Variants in TSPAN12 observed in about 807,000 individuals in gnomAD.
The protein encoded by TSPAN12 is tetraspanin-12.
Under a neutral mutation model 39.2 loss-of-function variants are expected in TSPAN12, and 19 were observed. That is an observed-to-expected ratio of 0.49 (90% confidence interval 0.34 to 0.71). The LOEUF is 0.71. Among genes scored for constraint, TSPAN12 ranks in the 30% least tolerant of loss-of-function variants. The pLI is 0.01. For missense variants in TSPAN12, 314 were observed against 359.9 expected, an observed-to-expected ratio of 0.87 and a Z score of 1.03; for synonymous variants, 119 against 124.8, an observed-to-expected ratio of 0.95 and a Z score of 0.31.
intron 7 of TSPAN12, among the ~76,000 whole-genome samples, chr7:120,802,400 T>C (rs915051350): frequency 2.0e-5 from 3 of 152,192 alleles, no homozygotes; most frequent in Admixed American, 6.5e-5. Flanking sequence ...AGAGGGCCTA[T>C]TCCTAACAAT....
intron 6 of TSPAN12, among the ~76,000 whole-genome samples, chr7:120,808,973 TATATATATATATTTA>T (rs1318422059): frequency 6.7e-6 from 1 of 149,832 alleles, no homozygotes; most frequent in Non-Finnish European, 1.5e-5. Flanking sequence ...GGTATTTAAA[TATATATATATATTTA>T]ATATATATAT....
chr7:120,822,166 G>A (rs1433344787), intron 4 of TSPAN12, among the ~76,000 whole-genome samples: 4 of 152,194 alleles, frequency 2.6e-5, no homozygotes, highest in Middle Eastern at 3.4e-3. Context: ...AGCCCTTGGG[G>A]ATGTGTGGGT....
intron 5 of TSPAN12, among the ~76,000 whole-genome samples, chr7:120,812,222 G>A (rs1793996395): frequency 1.3e-5 from 2 of 152,110 alleles, no homozygotes; most frequent in African/African-American, 4.8e-5. Flanking sequence ...CAATACAACA[G>A]TCATTACTGG....
At chr7:120,794,785 C>A (rs1793599727) in intron 7 of TSPAN12, among the ~76,000 whole-genome samples, 1 of 146,044 alleles carries the variant, frequency 6.8e-6, no homozygotes, top group African/African-American at 2.5e-5. Context: ...CAGTATTTTT[C>A]CAGATTTGTC....
chr7:120,788,974 T>A (rs958131912), intron 7 of TSPAN12, 77 bp from the exon 8 acceptor site: 7 of 1,429,706 alleles, frequency 4.9e-6, no homozygotes, highest in Non-Finnish European at 6.9e-6. Flanking sequence ...AAGCAAACAA[T>A]CTGTATCAGT....
At chr7:120,791,482 G>A (rs991184022) in intron 7 of TSPAN12, among the ~76,000 whole-genome samples, 1 of 152,152 alleles carries the variant, frequency 6.6e-6, no homozygotes, top group African/African-American at 2.4e-5. Context: ...AAATATATAT[G>A]CCGATGATTC....
intron 2 of TSPAN12, among the ~76,000 whole-genome samples, chr7:120,850,345 T>C (rs1482952954): frequency 6.6e-6 from 1 of 152,226 alleles, no homozygotes; most frequent in African/African-American, 2.4e-5. Context: ...ACATCCCCTT[T>C]TCTTCAGTCT....
At chr7:120,804,350 T>G (rs1298508009) in intron 7 of TSPAN12, among the ~76,000 whole-genome samples, 3 of 152,138 alleles carry the variant, frequency 2.0e-5, no homozygotes, top group Non-Finnish European at 4.4e-5. Context: ...GCCGCATTTA[T>G]TAGTTGATGA....
At chr7:120,822,467 A>G (rs1034171787) in intron 4 of TSPAN12, among the ~76,000 whole-genome samples, 2 of 152,106 alleles carry the variant, frequency 1.3e-5, no homozygotes, top group Admixed American at 6.6e-5. Context: ...AAACTGCATA[A>G]TCCCAGGGAA....
chr7:120,823,999 C>T (rs901411914), intron 4 of TSPAN12, among the ~76,000 whole-genome samples: 6 of 151,976 alleles, frequency 3.9e-5, no homozygotes, highest in Non-Finnish European at 8.8e-5. Flanking sequence ...CAGGGTTATG[C>T]GAGGTAAAGG....
At chr7:120,807,331 T>C (rs1398089282) in intron 6 of TSPAN12, among the ~76,000 whole-genome samples, 1 of 152,156 alleles carries the variant, frequency 6.6e-6, no homozygotes, top group Non-Finnish European at 1.5e-5. Context: ...TTAGCTTGAA[T>C]AAAATTGGAT....
intron 5 of TSPAN12, among the ~76,000 whole-genome samples, chr7:120,814,870 C>G (rs1281534627): frequency 1.3e-5 from 2 of 152,196 alleles, no homozygotes; most frequent in Non-Finnish European, 2.9e-5. Flanking sequence ...GCCAAACACA[C>G]AGCAACTCTT....
intron 4 of TSPAN12, among the ~76,000 whole-genome samples, chr7:120,825,792 A>G (rs1465407136): frequency 1.3e-5 from 2 of 152,228 alleles, no homozygotes; most frequent in East Asian, 3.8e-4. Flanking sequence ...CAACCTCAAG[A>G]GTACTTGCTG....
intron 7 of TSPAN12, among the ~76,000 whole-genome samples, chr7:120,805,179 C>T (rs189950062): frequency 1.3e-5 from 2 of 152,126 alleles, no homozygotes; most frequent in Admixed American, 1.3e-4. Flanking sequence ...TTTGGATATC[C>T]TTAAATGGTG....
chr7:120,805,024 G>A (rs1410930059), intron 7 of TSPAN12, among the ~76,000 whole-genome samples: 1 of 152,032 alleles, frequency 6.6e-6, no homozygotes, highest in African/African-American at 2.4e-5. Flanking sequence ...CCAGAACACT[G>A]TGACAATAAA....
intron 7 of TSPAN12, among the ~76,000 whole-genome samples, chr7:120,791,724 A>G (rs191550050): frequency 5.9e-4 from 90 of 152,348 alleles, no homozygotes; most frequent in Non-Finnish European, 1.0e-3. Flanking sequence ...GGCACTGTTT[A>G]AAGTCTATTT....
intron 2 of TSPAN12, among the ~76,000 whole-genome samples, chr7:120,855,072 T>C (rs1794845827): frequency 6.6e-6 from 1 of 152,230 alleles, no homozygotes; most frequent in African/African-American, 2.4e-5. Context: ...AGGAGTGATA[T>C]TTTTGTTGAA....
At chr7:120,829,083 T>C (rs992705273) in intron 4 of TSPAN12, among the ~76,000 whole-genome samples, 27 of 152,288 alleles carry the variant, frequency 1.8e-4, no homozygotes, top group African/African-American at 6.5e-4. Context: ...CCACTTATTT[T>C]AGAATAATTC....
intron 4 of TSPAN12, among the ~76,000 whole-genome samples, chr7:120,830,822 T>C (rs539684347): frequency 1.3e-5 from 2 of 152,132 alleles, no homozygotes; most frequent in South Asian, 4.1e-4. Flanking sequence ...ACCAAGCTTC[T>C]GCATAGCAAA....
Sources: allele counts gnomAD v4.1 joint callset (sites outside exome capture counted in the v4.1 genomes callset), GRCh38; gene constraint gnomAD v4.1.1; transcripts MANE v1.5; gene names NCBI Gene and HGNC (gene_info 2026-07-23, HGNC 2026-07-21).